SNW1: variants seen among roughly 807,000 people sequenced by gnomAD.
SNW1 encodes the protein SNW domain-containing protein 1.
Under a neutral mutation model 75.6 loss-of-function variants are expected in SNW1, and 9 were observed. The observed-to-expected ratio is 0.12, with a 90% CI of 0.07 to 0.21. The LOEUF is 0.21. SNW1 is among the 10% of genes least tolerant of loss of function. The probability of loss-of-function intolerance (pLI) is 1.00; values close to 1 mark genes in which losing one functional copy is unlikely to be tolerated. For missense variants in SNW1, 409 were observed against 670.9 expected (o/e 0.61, Z 4.31); for synonymous variants, 200 against 219.1 (o/e 0.91, Z 0.77).
intron 2 of SNW1, among the ~76,000 whole-genome samples, chr14:77,752,280 T>C (rs2080815041): frequency 6.6e-6 from 1 of 152,050 alleles, no homozygotes; most frequent in Admixed American, 6.6e-5. Flanking sequence ...CAGAAATGAG[T>C]TTACTACATT....
rs902110181 is a variant in SNW1, at chr14:77,756,127, C to CT, written c.15-1008dup. On this transcript the variant is annotated intron_variant, in intron 1 of 13. Transcript: ENST00000261531. ...GTATATACTTGCTATTCTTATACTC[C>CT]TTTTTTTTTTTGAGACAGAGTCTCG... 5.5e-4 allele frequency among the ~76,000 whole-genome samples: 82 copies of CT among 147,832 alleles called. 1 individual carries two copies. The highest frequency in any genetic ancestry group is 3.5e-3 in the Middle Eastern group (1 of 282).
chr14:77,752,437 TAAAA>T (rs898278240), intron 2 of SNW1, among the ~76,000 whole-genome samples: 7 of 152,082 alleles, frequency 4.6e-5, no homozygotes, highest in Non-Finnish European at 1.0e-4. Context: ...TTTAAGTAGT[TAAAA>T]AAAATTCAGT....
intron 1 of SNW1, among the ~76,000 whole-genome samples, chr14:77,757,959 T>TCTATCTATCG (rs573817429): frequency 1.2e-5 from 1 of 81,256 alleles, no homozygotes; most frequent in Non-Finnish European, 2.8e-5. Context: ...TCTATCGCAA[T>TCTATCTATCG]CAATCAATCA....
chr14:77,736,549 A>AAAAAACAAAAAC (rs35573525), intron 6 of SNW1, among the ~76,000 whole-genome samples: 10,172 of 63,824 alleles, frequency 0.16, 448 homozygotes, highest in South Asian at 0.24. Context: ...ACTGTCTCTC[A>AAAAAACAAAAAC]AAAAACAAAA....
intron 11 of SNW1, among the ~76,000 whole-genome samples, chr14:77,722,236 A>C (rs2080546932): frequency 6.6e-6 from 1 of 152,188 alleles, no homozygotes; most frequent in Admixed American, 6.6e-5. Flanking sequence ...TTGGTGAGCC[A>C]TAAACTTCCC....
intron 12 of SNW1, 88 bp downstream of exon 12, chr14:77,720,623 C>T: frequency 1.1e-6 from 1 of 894,696 alleles, no homozygotes; most frequent in Non-Finnish European, 1.9e-6. Flanking sequence ...CTGGCATTTA[C>T]ATCCAAATGT....
chr14:77,759,754 T>C (rs1030642746), intron 1 of SNW1, among the ~76,000 whole-genome samples: 17 of 152,146 alleles, frequency 1.1e-4, no homozygotes, highest in South Asian at 4.1e-4. Flanking sequence ...GGTGAGAAGA[T>C]TGATGGAGGC....
rs751687453 is a variant in SNW1 at position 77,718,273 on chromosome 14, T to C, written c.1426A>G (p.Lys476Glu). 1.9e-6 allele frequency: 3 copies of C among 1,613,696 alleles called. No homozygotes were observed. Among genetic ancestry groups the C allele is most frequent in the Non-Finnish European group, 8.5e-7 (1 of 1,179,750 alleles). ...RIKTNRFVPD[K>E]EFSGSDRRQR... Reference sequence around the variant, plus strand: ...CTACGGTCTGAACCAGAAAACTCCTTGTCGGGAACAAATCTAAGGAAAAGG... The same window carrying C: ...CTACGGTCTGAACCAGAAAACTCCTCGTCGGGAACAAATCTAAGGAAAAGG... Residue 476 changes from lysine to glutamate, a missense_variant, in exon 14 of 14, where the codon AAG (lysine) becomes GAG (glutamate). Physicochemically the swap from Lys to Glu is moderately conservative, Grantham distance 56. This residue lies in a region of SNW1 where 126 missense variants were observed against 167.6 expected (regional missense o/e 0.75). Coordinates refer to ENST00000261531, the MANE Select transcript of SNW1 (RefSeq NM_012245.3).
intron 8 of SNW1, 120 bp from the exon 9 acceptor site, chr14:77,732,721 G>A: frequency 1.5e-6 from 1 of 649,408 alleles, no homozygotes; most frequent in East Asian, 2.8e-5. Context: ...CTGGAGGGCA[G>A]GGGTGCCATC....
chr14:77,739,346 G>A (rs1429139623), intron 3 of SNW1, among the ~76,000 whole-genome samples: 6 of 152,138 alleles, frequency 3.9e-5, no homozygotes, highest in Non-Finnish European at 7.3e-5. Context: ...ATGCATTGAT[G>A]ATCACTATTT....
At position 77,739,069 on chromosome 14, in the gene SNW1, G is replaced by A. The variant is rs202090637; in HGVS notation, c.331-8C>T. 3 of 1,601,174 alleles carry A rather than the reference G, an allele frequency of 1.9e-6. No homozygotes were observed. In the Admixed American group the frequency reaches 5.0e-5, roughly 27 times the overall value. ...GTATTTGCTATAAATGACCTAAAAT[G>A]TTCAAACACAAGCAGGCTTAAGAAA... On this transcript the variant is annotated splice_polypyrimidine_tract_variant and splice_region_variant and intron_variant, in intron 3 of 13. Coordinates refer to ENST00000261531, the MANE Select transcript of SNW1 (RefSeq NM_012245.3).
chr14:77,718,953 G>A (rs543264748), intron 12 of SNW1, among the ~76,000 whole-genome samples: 1 of 152,210 alleles, frequency 6.6e-6, no homozygotes, highest in South Asian at 2.1e-4. Context: ...TCAGGTGATC[G>A]CCTGCCTTGG....
intron 12 of SNW1, 39 bp from the exon 13 acceptor site, chr14:77,718,569 A>G (rs1566824579): frequency 7.4e-7 from 1 of 1,351,412 alleles, no homozygotes; most frequent in South Asian, 1.3e-5. Flanking sequence ...AAGTGTAAAC[A>G]TTGTTTATCA....
chr14:77,756,131 T>A (rs72687229), intron 1 of SNW1, among the ~76,000 whole-genome samples: 25,486 of 152,100 alleles, frequency 0.17, 2,448 homozygotes, highest in Non-Finnish European at 0.22. Context: ...ATACTCCTTT[T>A]TTTTTTTGAG....
chr14:77,724,419 C>T (rs176970), intron 10 of SNW1, among the ~76,000 whole-genome samples: 99,366 of 152,002 alleles, frequency 0.65, 32,779 homozygotes, highest in African/African-American at 0.72. Context: ...TAAATTATCA[C>T]TAACTATTCA....
intron 3 of SNW1, among the ~76,000 whole-genome samples, chr14:77,745,252 T>C (rs1347085135): frequency 6.6e-6 from 1 of 151,582 alleles, no homozygotes; most frequent in African/African-American, 2.4e-5. Flanking sequence ...TAGTGAAGAG[T>C]GAGCTGAGAA....
At chr14:77,748,521 C>T (rs900305707) in intron 3 of SNW1, among the ~76,000 whole-genome samples, 5 of 151,916 alleles carry the variant, frequency 3.3e-5, no homozygotes, top group African/African-American at 9.7e-5. Context: ...AGGAGAAAAG[C>T]GGGCAGGACT....
At position 77,738,258 on chromosome 14, in the gene SNW1, A is replaced by T. The variant is rs1451600632; in HGVS notation, c.533+520T>A. On this transcript the variant is annotated intron_variant, in intron 5 of 13. Coordinates refer to ENST00000261531, the MANE Select transcript of SNW1 (RefSeq NM_012245.3). ...AGAGGTTACAGTGAGCCAAGATCAC[A>T]CCACTGCACTCCAGCCTGGGCAACA... Among the ~76,000 whole-genome samples, 3 of 152,058 alleles carry T rather than the reference A, an allele frequency of 2.0e-5. No individual in the cohort carries two copies. The East Asian group carries it at 5.8e-4, about 30-fold the overall frequency.
intron 10 of SNW1, among the ~76,000 whole-genome samples, chr14:77,724,082 TGCTGTCTTC>T (rs2080564968): frequency 6.6e-6 from 1 of 152,248 alleles, no homozygotes. Flanking sequence ...TAAAATGTAT[TGCTGTCTTC>T]AACTTACTTT....
Sources: gnomAD v4.1 joint callset for allele counts (sites outside exome capture counted in the v4.1 genomes callset) on GRCh38, gnomAD v4.1.1 for gene constraint, gnomAD v4.1.1 regional missense constraint, MANE v1.5 for transcripts, NCBI Gene and HGNC (gene_info 2026-07-23, HGNC 2026-07-21) for gene names.